Variants in TDRD3 observed in about 807,000 individuals in gnomAD.
TDRD3 encodes the protein tudor domain containing 3.
TDRD3 carries 45 observed loss-of-function variants against 86.7 expected under a neutral mutation model. That is an observed-to-expected ratio of 0.52 (90% CI 0.41 to 0.67). The LOEUF is 0.67. TDRD3 is among the 30% of genes least tolerant of loss of function. The pLI is 0.00. For synonymous variants in TDRD3, 298 were observed against 301.7 expected (o/e 0.99, Z 0.13); for missense variants, 814 against 889.0 (o/e 0.92, Z 1.07).
rs769846135 is a variant in TDRD3 at position 60,567,527 on chromosome 13, G to A, written c.2121G>A (p.Glu707=). Reference sequence around the variant, plus strand: ...AAATCACTACTCTTTGCAAATAGGAGGAAGAAGGCACCTACGATCAAACTC... The same window carrying A: ...AAATCACTACTCTTTGCAAATAGGAAGAAGAAGGCACCTACGATCAAACTC... ...NIKPIQTEAW[E]EEGTYDQTLE... Residue 707 remains glutamate (E), a splice_region_variant and synonymous_variant, in exon 13 of 14, where the codon GAG becomes GAA. Coordinates refer to ENST00000377881, the MANE Select transcript of TDRD3 (RefSeq NM_001146070.2). 7.4e-6 allele frequency: 12 copies of A among 1,613,954 alleles called. No homozygotes were observed. In the Admixed American group the frequency reaches 2.0e-4, roughly 27 times the overall value.
At chr13:60,496,659 C>T (rs1956725831) in intron 8 of TDRD3, among the ~76,000 whole-genome samples, 1 of 151,934 alleles carries the variant, frequency 6.6e-6, no homozygotes, top group East Asian at 1.9e-4. Context: ...TGTGGAGAAC[C>T]AAGGAACATA....
chr13:60,441,953 C>A (rs763543702), intron 2 of TDRD3, among the ~76,000 whole-genome samples: 16 of 152,174 alleles, frequency 1.1e-4, no homozygotes, highest in Admixed American at 2.0e-4. Context: ...TATGAATAAT[C>A]CATGCAGTGA....
intron 10 of TDRD3, among the ~76,000 whole-genome samples, chr13:60,511,301 G>T (rs953900148): frequency 6.6e-6 from 1 of 152,086 alleles, no homozygotes; most frequent in Non-Finnish European, 1.5e-5. Flanking sequence ...AATCCAAAAA[G>T]TTAAGGAAAT....
chr13:60,541,716 C>CTTTTGTTTTT (rs1957814331), intron 12 of TDRD3, among the ~76,000 whole-genome samples: 1 of 41,006 alleles, frequency 2.4e-5, no homozygotes, highest in Non-Finnish European at 4.3e-5. Context: ...TCAGCATAGT[C>CTTTTGTTTTT]TTTTTTTTTT....
intron 4 of TDRD3, among the ~76,000 whole-genome samples, chr13:60,461,316 A>G (rs1955798107): frequency 6.6e-6 from 1 of 152,180 alleles, no homozygotes; most frequent in Non-Finnish European, 1.5e-5. Context: ...CTAGGAAATC[A>G]TTGGGAATGA....
At chr13:60,514,723 C>T (rs542556309) in intron 10 of TDRD3, among the ~76,000 whole-genome samples, 1 of 152,224 alleles carries the variant, frequency 6.6e-6, no homozygotes, top group South Asian at 2.1e-4. Context: ...TAGGCTAGAG[C>T]CAGATCACAA....
intron 13 of TDRD3, among the ~76,000 whole-genome samples, chr13:60,570,978 T>G (rs1361843575): frequency 6.6e-6 from 1 of 152,148 alleles, no homozygotes; most frequent in Non-Finnish European, 1.5e-5. Context: ...ACATCACAAT[T>G]TTGGTGGTTT....
At chr13:60,451,471 A>T (rs1387348824) in intron 3 of TDRD3, among the ~76,000 whole-genome samples, 2 of 152,066 alleles carry the variant, frequency 1.3e-5, no homozygotes, top group African/African-American at 4.8e-5. Flanking sequence ...ATCTTTTTCC[A>T]ATTTAGAGTG....
intron 5 of TDRD3, among the ~76,000 whole-genome samples, chr13:60,469,270 A>T (rs1476121955): frequency 1.3e-5 from 2 of 152,130 alleles, no homozygotes; most frequent in East Asian, 3.9e-4. Flanking sequence ...ATATGTTGAT[A>T]TAATTGTATT....
chr13:60,553,993 A>G (rs538001460), intron 12 of TDRD3, among the ~76,000 whole-genome samples: 16 of 152,338 alleles, frequency 1.1e-4, no homozygotes, highest in African/African-American at 3.4e-4. Flanking sequence ...TAAGATAACA[A>G]TATTGGTTGC....
chr13:60,397,541 C>T (rs1358550301), intron 1 of TDRD3, 136 bp downstream of exon 1: 7 of 609,070 alleles, frequency 1.1e-5, no homozygotes, highest in Admixed American at 4.6e-5. Context: ...CCGGGCCCTT[C>T]GGGCCGGCTC....
chr13:60,545,938 CTTTTA>C (rs1566292947), intron 12 of TDRD3, among the ~76,000 whole-genome samples: 1 of 152,018 alleles, frequency 6.6e-6, no homozygotes, highest in African/African-American at 2.4e-5. Flanking sequence ...TTCTCCTCCT[CTTTTA>C]TTTTGTTTTC....
chr13:60,444,842 A>G, intron 3 of TDRD3, 94 bp downstream of exon 3: 1 of 636,798 alleles, frequency 1.6e-6, no homozygotes, highest in Non-Finnish European at 2.5e-6. Context: ...TAAAGACTGC[A>G]ATTGCAAAAT....
At chr13:60,414,520 T>G (rs1041626519) in intron 1 of TDRD3, among the ~76,000 whole-genome samples, 2 of 152,176 alleles carry the variant, frequency 1.3e-5, no homozygotes, top group African/African-American at 2.4e-5. Context: ...ATTAATTCTT[T>G]ATTACTTAGA....
At chr13:60,449,190 A>G (rs1299343117) in intron 3 of TDRD3, among the ~76,000 whole-genome samples, 2 of 152,148 alleles carry the variant, frequency 1.3e-5, no homozygotes, top group African/African-American at 2.4e-5. Flanking sequence ...AGGAATTGAA[A>G]AAAGTTTTAA....
At chr13:60,405,081 A>G (rs767187171) in intron 1 of TDRD3, among the ~76,000 whole-genome samples, 7 of 152,200 alleles carry the variant, frequency 4.6e-5, no homozygotes, top group Non-Finnish European at 8.8e-5. Context: ...GTTAAGTCCA[A>G]TAAATGTCTT....
Position 60,467,208 on chromosome 13 carries a change from A to G in TDRD3, c.354-30A>G, listed in dbSNP as rs777515751. ...GTGTCCATGTGTTCTCAGCTTCAAT[A>G]TGTTTTTAACACTTTTCTCTTTGCT... On this transcript the variant is annotated intron_variant, in intron 4 of 13. Coordinates refer to ENST00000377881, the MANE Select transcript of TDRD3 (RefSeq NM_001146070.2). 47 of 1,610,368 alleles carry G rather than the reference A, an allele frequency of 2.9e-5. No individual in the cohort carries two copies. The Admixed American group carries it at 6.1e-4, about 21-fold the overall frequency.
intron 5 of TDRD3, among the ~76,000 whole-genome samples, chr13:60,482,298 C>T (rs906842682): frequency 3.9e-5 from 6 of 152,124 alleles, no homozygotes; most frequent in Admixed American, 3.3e-4. Flanking sequence ...TGCATCATGG[C>T]TACAAGCAGA....
At chr13:60,444,832 T>A in intron 3 of TDRD3, 84 bp downstream of exon 3, 3 of 792,034 alleles carry the variant, frequency 3.8e-6, no homozygotes, top group Non-Finnish European at 5.6e-6. Context: ...TTTTTGTCAA[T>A]AAAGACTGCA....
Sources: gnomAD v4.1 joint callset for allele counts (sites outside exome capture counted in the v4.1 genomes callset) on GRCh38, gnomAD v4.1.1 for gene constraint, MANE v1.5 for transcripts, NCBI Gene and HGNC (gene_info 2026-07-23, HGNC 2026-07-21) for gene names.